Variants in DDOST observed in about 807,000 individuals in gnomAD.
The protein encoded by DDOST is dolichyl-diphosphooligosaccharide--protein glycosyltransferase non-catalytic subunit.
In DDOST, 25 loss-of-function variants were observed where a neutral mutation model predicts 47.6. The ratio of observed to expected loss-of-function variants is 0.53; its 90% CI spans 0.38 to 0.73. The LOEUF is 0.73. DDOST is among the 30% of genes least tolerant of loss of function. The pLI is 0.00. For missense variants in DDOST, 526 were observed against 573.9 expected (o/e 0.92, Z 0.85); for synonymous variants, 275 against 236.0 (o/e 1.17, Z -1.51).
intron 5 of DDOST, among the ~76,000 whole-genome samples, 192 bp downstream of exon 5, chr1:20,655,248 C>T (rs564778084): frequency 4.0e-5 from 6 of 149,074 alleles, no homozygotes; most frequent in Non-Finnish European, 7.4e-5. Flanking sequence ...TGGCCTCAAG[C>T]GATCCTCCTG....
rs886045853 is a variant in DDOST at position 20,651,801 on chromosome 1, T to TTTTTTTTATTTATTTATTATTTATTTA, written c.*577_*578insTAAATAAATAATAAATAAATAAAAAAA. 6.8e-6 allele frequency: 1 copy of TTTTTTTTATTTATTTATTATTTATTTA among 147,120 alleles called. No homozygotes were observed. The highest frequency in any genetic ancestry group is 2.0e-4 in the East Asian group (1 of 4,962). 9.1% of individuals were successfully genotyped at this position (147,120 alleles called of 1,614,324 possible). On this transcript the variant is annotated 3_prime_UTR_variant, in exon 11 of 11. Transcript: ENST00000602624. ...GTTTGAGGGCAACATCTCGCTTTAT[T>TTTTTTTTATTTATTTATTATTTATTTA]TTTATTTATTTATTTATTTATTTAT...
rs2053302907 is a variant in DDOST, at chr1:20,652,400, CT to C, written c.1298del (p.Lys433ArgfsTer36). On this transcript the variant is annotated frameshift_variant, in exon 11 of 11. Coordinates refer to ENST00000602624, the MANE Select transcript of DDOST (RefSeq NM_005216.5). LOFTEE classifies it high-confidence loss of function. ...CCCCTCAGTCGGACTTCTCCTTCTCCTTCATGTGCAAGAAGACGATGCTGAA... is the reference window on the plus strand; with the variant it reads ...CCCCTCAGTCGGACTTCTCCTTCTCCTCATGTGCAAGAAGACGATGCTGAA... ...FIFSIVFLHM[K>X]EKEKSD 1.2e-6 allele frequency: 2 copies of C among 1,613,412 alleles called. No homozygotes were observed. The highest frequency in any genetic ancestry group is 1.7e-6 in the Non-Finnish European group (2 of 1,179,690).
In DDOST at chr1:20,655,443, A is replaced by C; in HGVS notation, c.548T>G (p.Val183Gly). The C allele has an allele frequency of 6.2e-7, 1 of 1,612,216 alleles. No homozygotes were observed. The highest frequency in any genetic ancestry group is 1.1e-5 in the South Asian group (1 of 91,004). The change falls in exon 5 of 11, where the codon GTT becomes GGT. Residue 183 changes from valine (V) to glycine (G), a missense_variant. Val to Gly is a moderately radical substitution (Grantham distance 109). Coordinates refer to ENST00000602624, the MANE Select transcript of DDOST (RefSeq NM_005216.5). ...CTCTCCCTGCTCACTCACTCACCCA[A>C]CACCTCGAAAGAGGATGGGATTTAG... ...SSLNPILFRGVGMVADPDNPL... is the reference protein window; with the variant it reads ...SSLNPILFRGGGMVADPDNPL...
Position 20,653,613 on chromosome 1 carries a change from C to A in DDOST, c.942+14G>T. The A allele has an allele frequency of 6.4e-7, 1 of 1,571,804 alleles. No individual in the cohort carries two copies. The highest frequency in any genetic ancestry group is 1.2e-5 in the South Asian group (1 of 86,882). ...GCAAACCCTTTGGGCCCTCCCACCCCAAACATCTCTTACCACTAGGTCAGT... is the reference window on the plus strand; with the variant it reads ...GCAAACCCTTTGGGCCCTCCCACCCAAAACATCTCTTACCACTAGGTCAGT... On this transcript the variant is annotated intron_variant, in intron 8 of 10. Coordinates refer to ENST00000602624, the MANE Select transcript of DDOST (RefSeq NM_005216.5).
In DDOST at chr1:20,653,632, G is replaced by A. The variant is rs370563377; in HGVS notation, c.937C>T (p.Leu313=). The A allele has an allele frequency of 1.3e-6, 2 of 1,598,396 alleles. No individual in the cohort carries two copies. Among genetic ancestry groups the A allele is most frequent in the Non-Finnish European group, 1.7e-6 (2 of 1,169,664 alleles). The part of the protein sequence containing the change: ...APPNAYTVTD[L]VEYSIVIQQL... ...CCACCCCAAACATCTCTTACCACTA[G>A]GTCAGTGACAGTGTAGGCATTGGGT... Residue 313 remains leucine (L), a synonymous_variant, in exon 8 of 11, where the codon CTA becomes TTA. Coordinates refer to ENST00000602624, the MANE Select transcript of DDOST (RefSeq NM_005216.5).
chr1:20,656,231 C>A (rs372973778), intron 2 of DDOST, 44 bp from the exon 3 acceptor site: 18 of 1,489,006 alleles, frequency 1.2e-5, no homozygotes, highest in Non-Finnish European at 1.5e-5. Flanking sequence ...GTCTCCTCTC[C>A]CTGCTCCTCT....
chr1:20,653,172 A>G (rs959002030), intron 8 of DDOST: 1 of 615,226 alleles, frequency 1.6e-6, no homozygotes, highest in Non-Finnish European at 2.8e-6. Context: ...CCAACACAGC[A>G]TCTCTGCCTC....
intron 1 of DDOST, 56 bp from the exon 2 acceptor site, chr1:20,661,047 C>T: frequency 6.7e-7 from 1 of 1,497,158 alleles, no homozygotes; most frequent in Non-Finnish European, 9.3e-7. Flanking sequence ...GAAACCCCTG[C>T]TGCAGACATC....
At chr1:20,654,563 G>C in intron 6 of DDOST, 51 bp downstream of exon 6, 2 of 1,482,538 alleles carry the variant, frequency 1.3e-6, no homozygotes, top group Non-Finnish European at 1.8e-6. Flanking sequence ...AGCCAAATGT[G>C]CTGTTCTGCT....
Position 20,655,532 on chromosome 1 carries a change from A to C in DDOST, c.459T>G (p.His153Gln), listed in dbSNP as rs886045871. 6.2e-7 allele frequency: 1 copy of C among 1,613,916 alleles called. No individual in the cohort carries two copies. The highest frequency in any genetic ancestry group is 1.6e-4 in the Middle Eastern group (1 of 6,062). ...HNYDISDLGQ[H>Q]TLIVADTENL... is the part of the protein sequence containing the mutation. ...TCTCAGTGTCAGCCACGATGAGCGT[A>C]TGCTGCAAAGAGTAGATGGAAAGGT... Residue 153 changes from histidine (H) to glutamine (Q), a missense_variant and splice_region_variant, in exon 5 of 11, where the codon CAT becomes CAG. By Grantham distance (24) the His-to-Gln change is conservative. Transcript: ENST00000602624.
In DDOST at chr1:20,652,348, C is replaced by CT. The variant is rs2053301909; in HGVS notation, c.*30dup. On this transcript the variant is annotated 3_prime_UTR_variant, in exon 11 of 11. Coordinates refer to ENST00000602624, the MANE Select transcript of DDOST (RefSeq NM_005216.5). ...CTAATAACCCCCCTCCTTGCCCCGT[C>CT]TCCACGCTGTGCGGAGAGGGCTCTA... 1 of 1,569,024 alleles carries CT rather than the reference C, an allele frequency of 6.4e-7. No homozygotes were observed.
chr1:20,655,379 A>C lies in DDOST; in HGVS notation c.551+61T>G. The C allele has an allele frequency of 1.8e-5, 25 of 1,360,434 alleles. No homozygotes were observed. In the South Asian group the frequency reaches 2.3e-4, roughly 13 times the overall value. The allele number at this position is 1,360,434 out of a possible 1,614,324, so 84.3% of individuals were successfully genotyped here. A position where few individuals can be genotyped will look rare whatever the true frequency, so the allele number is the denominator to read the frequency against. On this transcript the variant is annotated intron_variant, in intron 5 of 10. Coordinates refer to ENST00000602624, the MANE Select transcript of DDOST (RefSeq NM_005216.5). Reference sequence around the variant, plus strand: ...ACAATTTTGCCTTGATTTCCCAAAAAAATTAAGTGACCCCTTCTTCCCCCA... The same window carrying C: ...ACAATTTTGCCTTGATTTCCCAAAACAATTAAGTGACCCCTTCTTCCCCCA...
chr1:20,655,868 C>T (rs2053367012), intron 3 of DDOST, 89 bp from the exon 4 acceptor site: 4 of 1,104,402 alleles, frequency 3.6e-6, no homozygotes, highest in Non-Finnish European at 5.5e-6. Flanking sequence ...CCCTCTCTGT[C>T]AGCCCCAGTG....
intron 2 of DDOST, among the ~76,000 whole-genome samples, chr1:20,659,102 T>C (rs1269119919): frequency 1.3e-5 from 2 of 151,986 alleles, no homozygotes; most frequent in Non-Finnish European, 2.9e-5. Context: ...AAGCAATCCT[T>C]CTGCCTCGGC....
At chr1:20,653,260 A>G (rs1179110395) in intron 8 of DDOST, among the ~76,000 whole-genome samples, 1 of 152,174 alleles carries the variant, frequency 6.6e-6, no homozygotes, top group East Asian at 1.9e-4. Context: ...TCCTGCCCCG[A>G]CATGTGCCAG....
intron 2 of DDOST, among the ~76,000 whole-genome samples, chr1:20,657,328 GC>G (rs1188718488): frequency 6.6e-6 from 1 of 152,226 alleles, no homozygotes; most frequent in Non-Finnish European, 1.5e-5. Flanking sequence ...CTGAGCAGGG[GC>G]CTGGCAGGAT....
Position 20,655,486 on chromosome 1 carries a change from T to C in DDOST, c.505A>G (p.Ile169Val), listed in dbSNP as rs754011834. The change falls in exon 5 of 11, where the codon ATC becomes GTC. Residue 169 changes from isoleucine (I) to valine (V), a missense_variant. By Grantham distance (29) the Ile-to-Val change is conservative. Transcript: ENST00000602624. ...GGATTTAGAGATGATTTCCCAACGA[T>C]GGTTGGGGCCTTCAGCAGGTTCTCA... ...DTENLLKAPT[I>V]VGKSSLNPIL... 2.5e-6 allele frequency: 4 copies of C among 1,613,954 alleles called. No homozygotes were observed. Among genetic ancestry groups the C allele is most frequent in the African/African-American group, 1.3e-5 (1 of 74,978 alleles).
At chr1:20,654,465 C>T (rs544875017) in intron 6 of DDOST, 94 bp from the exon 7 acceptor site, 52 of 1,457,278 alleles carry the variant, frequency 3.6e-5, no homozygotes, top group African/African-American at 5.6e-5. Context: ...CAGACCAAAA[C>T]GACCCTGGCC....
At chr1:20,653,180 C>T in intron 8 of DDOST, 1 of 610,272 alleles carries the variant, frequency 1.6e-6, no homozygotes, top group Non-Finnish European at 2.9e-6. Flanking sequence ...GCATCTCTGC[C>T]TCTTCTCTGA....
Sources: gnomAD v4.1 joint callset for allele counts (sites outside exome capture counted in the v4.1 genomes callset) on GRCh38, gnomAD v4.1.1 for gene constraint, MANE v1.5 for transcripts, NCBI Gene and HGNC (gene_info 2026-07-23, HGNC 2026-07-21) for gene names.